The following SLC4A11 variants were observed in gnomAD, a reference collection of about 807,000 sequenced individuals.
SLC4A11 encodes solute carrier family 4 member 11, also known as bicarbonate transporter related protein 1.
Under a neutral mutation model 95.0 loss-of-function variants are expected in SLC4A11, and 74 were observed. The observed-to-expected ratio is 0.78, with a 90% confidence interval of 0.65 to 0.95. The LOEUF is 0.95. Among genes scored for constraint, SLC4A11 ranks in the 40% least tolerant of loss-of-function variants. SLC4A11 has a pLI of 0.00. For missense variants in SLC4A11, 1,081 were observed against 1,192.4 expected, an observed-to-expected ratio of 0.91 and a Z score of 1.38; for synonymous variants, 548 against 519.0, an observed-to-expected ratio of 1.06 and a Z score of -0.76.
At position 3,237,873 on chromosome 20, in the gene SLC4A11, C is replaced by A. The variant is rs1018950214; in HGVS notation, c.44-285G>T. ...GAGAGACGTTCCAGGGATGTCTTCC[C>A]ACCGAGTTAGTACCAGTACCATGTT... On this transcript the variant is annotated intron_variant, in intron 1 of 19. Coordinates refer to ENST00000642402, the MANE Select transcript of SLC4A11 (RefSeq NM_001174089.2). 67 of 1,550,974 alleles carry A rather than the reference C, an allele frequency of 4.3e-5. 1 individual carries two copies. The highest frequency in any genetic ancestry group is 2.9e-4 in the Admixed American group (15 of 51,010).
At chr20:3,230,686 A>G (rs771008294) in intron 11 of SLC4A11, 39 bp from the exon 12 acceptor site, 1 of 1,612,994 alleles carries the variant, frequency 6.2e-7, no homozygotes, top group Non-Finnish European at 8.5e-7. Context: ...GCCCGGCAGG[A>G]ACCAGGGGTC....
chr20:3,238,323 C>G, intron 1 of SLC4A11: 1 of 985,430 alleles, frequency 1.0e-6, no homozygotes. Flanking sequence ...CAGGAGGGGC[C>G]GCGTGCACGA....
At chr20:3,238,205 GGGA>G (rs2068050017) in intron 1 of SLC4A11, 2 of 1,419,546 alleles carry the variant, frequency 1.4e-6, no homozygotes, top group Non-Finnish European at 1.8e-6. Context: ...AATTGGGGGT[GGGA>G]GGAGTATCTG....
In SLC4A11 at chr20:3,230,256, T is replaced by A; in HGVS notation, c.1420A>T (p.Thr474Ser). 6.2e-7 allele frequency: 1 copy of A among 1,613,490 alleles called. No individual in the cohort carries two copies. Reference sequence around the variant, plus strand: ...ATGAAGAGGGCGATGATCTCCTCCGTCGACCTGCCAGGAGGCCATGAGCCT... The same window carrying A: ...ATGAAGAGGGCGATGATCTCCTCCGACGACCTGCCAGGAGGCCATGAGCCT... The part of the protein sequence containing the change: ...SLVMSLFKRS[T>S]EEIIALFISI... The change falls in exon 13 of 20, where the codon ACG becomes TCG. Residue 474 changes from threonine (T) to serine (S), a missense_variant. Physicochemically the swap from Thr to Ser is moderately conservative, Grantham distance 58. Coordinates refer to ENST00000642402, the MANE Select transcript of SLC4A11 (RefSeq NM_001174089.2).
chr20:3,237,221 G>A (rs754647140), intron 2 of SLC4A11, among the ~76,000 whole-genome samples: 6 of 152,200 alleles, frequency 3.9e-5, no homozygotes, highest in Non-Finnish European at 5.9e-5. Flanking sequence ...GCTGGGTGAG[G>A]ACAGAGGGAC....
At position 3,229,154 on chromosome 20, in the gene SLC4A11, G is replaced by A. The variant is rs140234175; in HGVS notation, c.1959C>T (p.Ser653=). 6 of 1,609,574 alleles carry A rather than the reference G, an allele frequency of 3.7e-6. No individual in the cohort carries two copies. In the South Asian group the frequency reaches 5.5e-5, roughly 15 times the overall value. The change falls in exon 16 of 20, where the codon TCC becomes TCT. Residue 653 remains serine (S), a synonymous_variant. Coordinates refer to ENST00000642402, the MANE Select transcript of SLC4A11 (RefSeq NM_001174089.2). ...AGTTCTGCTCGATGAAGAAGAGCAT[G>A]GACAGCAGGAAGCCGAGGCCCATGG... ...SGAMGLGFLL[S]MLFFIEQNLV...
chr20:3,236,994 A>G (rs1244154544), intron 2 of SLC4A11, among the ~76,000 whole-genome samples: 1 of 152,142 alleles, frequency 6.6e-6, no homozygotes, highest in African/African-American at 2.4e-5. Context: ...GTAAGGGAAC[A>G]TCAGCCCTGT....
intron 2 of SLC4A11, among the ~76,000 whole-genome samples, chr20:3,235,307 TCTCA>T (rs1450310751): frequency 0.12 from 12,828 of 109,786 alleles, 574 homozygotes; most frequent in Non-Finnish European, 0.15. Flanking sequence ...TCTCTCTCTC[TCTCA>T]CACACACACA....
At chr20:3,233,833 G>A (rs1429883044) in intron 6 of SLC4A11, 88 bp downstream of exon 6, 3 of 1,543,124 alleles carry the variant, frequency 1.9e-6, no homozygotes, top group African/African-American at 1.4e-5. Context: ...AGGACTCACA[G>A]GTGGGCTGGC....
Position 3,234,378 on chromosome 20 carries a change from C to T in SLC4A11, c.292-64G>A, listed in dbSNP as rs2067896815. On this transcript the variant is annotated intron_variant, in intron 4 of 19. Transcript: ENST00000642402. The surrounding 1 kb of genome is among the most constrained non-coding windows in gnomAD (Gnocchi z 5.8). The stretch of plus-strand genomic sequence containing the variant: ...TATGAGATGCTGTCACTGCCTGGTC[C>T]CTCCCTCCCAGCCAGCCGCAGCAGT... 6.5e-7 allele frequency: 1 copy of T among 1,546,616 alleles called. No homozygotes were observed. The highest frequency in any genetic ancestry group is 8.9e-7 in the Non-Finnish European group (1 of 1,126,072).
rs910166731 is a variant in SLC4A11, at chr20:3,229,267, C to A, written c.1850-4G>T. 1.2e-6 allele frequency: 2 copies of A among 1,613,074 alleles called. No homozygotes were observed. The highest frequency in any genetic ancestry group is 1.7e-6 in the Non-Finnish European group (2 of 1,180,010). On this transcript the variant is annotated splice_region_variant and splice_polypyrimidine_tract_variant and intron_variant, in intron 15 of 19. Coordinates refer to ENST00000642402, the MANE Select transcript of SLC4A11 (RefSeq NM_001174089.2). ...GGGTTGTAGCGGAACTTGCTCACTG[C>A]AGTAGGGGACAGGCTACTGCTATGC...
Position 3,234,470 on chromosome 20 carries a change from G to T in SLC4A11, c.291+98C>A. The T allele has an allele frequency of 6.4e-7, 1 of 1,559,198 alleles. No homozygotes were observed. On this transcript the variant is annotated intron_variant, in intron 4 of 19. Coordinates refer to ENST00000642402, the MANE Select transcript of SLC4A11 (RefSeq NM_001174089.2). The surrounding 1 kb of genome is among the most constrained non-coding windows in gnomAD (Gnocchi z 5.8). ...GCTCCCTGTTGAGCTGCTCCTGGAG[G>T]CATGGGAAGAGGGGAGCAGCGGGAG...
Position 3,233,949 on chromosome 20 carries a change from G to T in SLC4A11, c.577C>A (p.Arg193=), listed in dbSNP as rs566507872. 6 of 1,613,536 alleles carry T rather than the reference G, an allele frequency of 3.7e-6. No individual in the cohort carries two copies. The South Asian group carries it at 6.6e-5, about 18-fold the overall frequency. The change falls in exon 6 of 20, where the codon CGG becomes AGG. Residue 193 remains arginine (R), a synonymous_variant. Coordinates refer to ENST00000642402, the MANE Select transcript of SLC4A11 (RefSeq NM_001174089.2). The stretch of plus-strand genomic sequence containing the variant: ...ATGCAGAGCCACGACTGCTGGTACC[G>T]CACCCCTGTCACTGTGGCGGTGACC... The part of the protein sequence containing the change: ...QGVTATVTGV[R]YQQSWLCIIC...
At position 3,229,574 on chromosome 20, in the gene SLC4A11, GA is replaced by G; in HGVS notation, c.1691del (p.Ile564ThrfsTer54). 6.2e-7 allele frequency: 1 copy of G among 1,612,958 alleles called. No homozygotes were observed. Among genetic ancestry groups the G allele is most frequent in the Non-Finnish European group, 8.5e-7 (1 of 1,179,940 alleles). ...AGCCCAGCCAGAGCGTGCCCAGCATGATGAGGAGGCTGAGCACGGCGGTCGC... is the reference window on the plus strand; with the variant it reads ...AGCCCAGCCAGAGCGTGCCCAGCATGTGAGGAGGCTGAGCACGGCGGTCGC... Reference protein sequence around the residue: ...GQATAVLSLLIMLGTLWLGYT... With the variant: ...GQATAVLSLLXMLGTLWLGYT... On this transcript the variant is annotated frameshift_variant, in exon 14 of 20. Coordinates refer to ENST00000642402, the MANE Select transcript of SLC4A11 (RefSeq NM_001174089.2). LOFTEE classifies it high-confidence loss of function.
In SLC4A11 at chr20:3,231,184, C is replaced by A. The variant is rs773292136; in HGVS notation, c.1007G>T (p.Arg336Leu). 1.8e-5 allele frequency: 29 copies of A among 1,614,034 alleles called. No individual in the cohort carries two copies. The highest frequency in any genetic ancestry group is 2.2e-5 in the East Asian group (1 of 44,890). The change falls in exon 9 of 20, where the codon CGC becomes CTC. Residue 336 changes from arginine to leucine, a missense_variant. By Grantham distance (102) the Arg-to-Leu change is moderately radical (BLOSUM62 -2). Transcript: ENST00000642402. The surrounding 1 kb of genome is among the most constrained non-coding windows in gnomAD (Gnocchi z 5.2). ...GTCCAAGGGGTACAAGGGGAACCTG[C>A]GTGCGATGTCCTCCCGGATGCCCTT... ...FGKGIREDIA[R>L]RFPLYPLDFT...
intron 12 of SLC4A11, 111 bp downstream of exon 12, chr20:3,230,404 C>G: frequency 6.3e-7 from 1 of 1,589,632 alleles, no homozygotes; most frequent in Non-Finnish European, 8.6e-7. Flanking sequence ...CCCACCCCAG[C>G]CCCTTGGGGC....
At position 3,229,366 on chromosome 20, in the gene SLC4A11, T is replaced by C. The variant is rs779779012; in HGVS notation, c.1829A>G (p.His610Arg). ...CTCACTCTCGATTTCCCGGAAGCCATGGGAGCTGATGAGGGAGAAGGCGAG... is the reference window on the plus strand; with the variant it reads ...CTCACTCTCGATTTCCCGGAAGCCACGGGAGCTGATGAGGGAGAAGGCGAG... ...AVLAFSLISSHGFREIEMSKF... is the reference protein window; with the variant it reads ...AVLAFSLISSRGFREIEMSKF... The change falls in exon 15 of 20, where the codon CAT (histidine) becomes CGT (arginine). Residue 610 changes from histidine to arginine, a missense_variant. His to Arg is a conservative substitution (Grantham distance 29). Around this residue, in one of 3 missense-constraint regions of SLC4A11, gnomAD observed 767 missense variants for 858.0 expected, o/e 0.89. Transcript: ENST00000642402. The C allele has an allele frequency of 9.3e-6, 15 of 1,613,096 alleles. No individual in the cohort carries two copies. In the East Asian group the frequency reaches 2.7e-4, roughly 29 times the overall value.
Position 3,234,546 on chromosome 20 carries a change from A to T in SLC4A11, c.291+22T>A, listed in dbSNP as rs751572059. The T allele has an allele frequency of 3.1e-6, 5 of 1,613,646 alleles. No homozygotes were observed. The highest frequency in any genetic ancestry group is 4.2e-6 in the Non-Finnish European group (5 of 1,179,986). On this transcript the variant is annotated intron_variant, in intron 4 of 19. Coordinates refer to ENST00000642402, the MANE Select transcript of SLC4A11 (RefSeq NM_001174089.2). This position sits in a 1 kb window ranked among gnomAD's most constrained non-coding sequence, Gnocchi z 5.8. ...GCCCCCAGGTAGAGGCCCCAGGACC[A>T]CCTGCAGGACAGGCCATTCACCTTT...
rs2067911179 is a variant in SLC4A11 at position 3,234,709 on chromosome 20, T to G, written c.241+33A>C. On this transcript the variant is annotated intron_variant, in intron 3 of 19. Coordinates refer to ENST00000642402, the MANE Select transcript of SLC4A11 (RefSeq NM_001174089.2). This position sits in a 1 kb window ranked among gnomAD's most constrained non-coding sequence, Gnocchi z 5.8. ...GTCACACCTGCCCAGTCCCGTGCCT[T>G]CCCCCAGTCTGCCCCTGCTGCAGCC... The G allele has an allele frequency of 6.2e-7, 1 of 1,613,596 alleles. No homozygotes were observed. Among genetic ancestry groups the G allele is most frequent in the East Asian group, 2.2e-5 (1 of 44,848 alleles).
Sources: gnomAD v4.1 joint callset for allele counts (sites outside exome capture counted in the v4.1 genomes callset) on GRCh38, gnomAD v4.1.1 for gene constraint, gnomAD v4.1.1 regional missense constraint, Gnocchi (gnomAD v3.1) non-coding constraint, MANE v1.5 for transcripts, NCBI Gene and HGNC (gene_info 2026-07-23, HGNC 2026-07-21) for gene names.